Variants in MYOCOS observed in about 807,000 individuals in gnomAD.
The protein encoded by MYOCOS is myocilin opposite strand, also known as myocilin opposite strand protein.
chr1:171,613,964 C>A (rs1652403085), intron 1 of MYOCOS, among the ~76,000 whole-genome samples: 1 of 152,166 alleles, frequency 6.6e-6, no homozygotes, highest in South Asian at 2.1e-4. Flanking sequence ...AGTCTTTCAT[C>A]TTCTTTCTCA....
chr1:171,620,112 T>C (rs1652531004), upstream of MYOCOS, among the ~76,000 whole-genome samples: 2 of 148,494 alleles, frequency 1.3e-5, no homozygotes, highest in African/African-American at 4.9e-5. Context: ...TATATATATA[T>C]ATATCTCCTA....
upstream of MYOCOS, among the ~76,000 whole-genome samples, chr1:171,621,715 G>T (rs970158169): frequency 6.6e-6 from 1 of 151,954 alleles, no homozygotes; most frequent in African/African-American, 2.4e-5. Context: ...ATAGACTGCC[G>T]CCTTGAATTC....
At position 171,605,394 on chromosome 1, in the gene MYOCOS, C is replaced by CACACACACACAA. The variant is rs376886204; in HGVS notation, c.-252+4315_-252+4316insCACACACACAAA. On this transcript the variant is annotated intron_variant, in intron 1 of 3. Coordinates refer to the MYOCOS transcript ENST00000636697. Reference sequence around the variant, plus strand: ...AGTACCACACACACACACACACACACAAAAAAAAAAAAACAGTTACATGAT... The same window carrying CACACACACACAA: ...AGTACCACACACACACACACACACACACACACACACAAAAAAAAAAAAAAACAGTTACATGAT... Among the ~76,000 whole-genome samples, 4 of 127,560 alleles carry CACACACACACAA rather than the reference C, an allele frequency of 3.1e-5. No individual in the cohort carries two copies. In the East Asian group the frequency reaches 6.1e-4, roughly 20 times the overall value. The allele number at this position is 127,560 out of a possible 152,430, so 83.7% of individuals were successfully genotyped here. A position where few individuals can be genotyped will look rare whatever the true frequency, so the allele number is the denominator to read the frequency against.
Position 171,605,252 on chromosome 1 carries a change from A to G in MYOCOS, c.-252+4172A>G, listed in dbSNP as rs191315606. On this transcript the variant is annotated intron_variant, in intron 1 of 3. Coordinates refer to the MYOCOS transcript ENST00000636697. Reference sequence around the variant, plus strand: ...TTCCCGGCCCAAAAGAATCACCCTGATCATTTCTAGGTTCTAAAAGTCTCA... The same window carrying G: ...TTCCCGGCCCAAAAGAATCACCCTGGTCATTTCTAGGTTCTAAAAGTCTCA... 6.0e-3 allele frequency among the ~76,000 whole-genome samples: 906 copies of G among 152,168 alleles called. 2 individuals carry two copies. The highest frequency in any genetic ancestry group is 9.6e-3 in the Non-Finnish European group (656 of 68,000).
intron 1 of MYOCOS, among the ~76,000 whole-genome samples, chr1:171,614,332 A>C (rs537255852): frequency 1.1e-3 from 162 of 152,326 alleles, no homozygotes; most frequent in African/African-American, 3.6e-3. Context: ...TCATTGAGGG[A>C]GTGCCCTCTG....
intron 2 of MYOCOS, among the ~76,000 whole-genome samples, chr1:171,624,614 G>T (rs542482029): frequency 0.011 from 1,687 of 151,946 alleles, 16 homozygotes; most frequent in African/African-American, 0.028. Context: ...TATTTTGTGT[G>T]TGTGTGTGTT....
At chr1:171,604,065 A>C (rs1381106899) in intron 1 of MYOCOS, 1 of 152,200 alleles carries the variant, frequency 6.6e-6, no homozygotes, top group Non-Finnish European at 1.5e-5. Flanking sequence ...CCAGTTAAAC[A>C]TAAACTGAGT....
intron 1 of MYOCOS, among the ~76,000 whole-genome samples, chr1:171,606,236 T>C (rs1331786713): frequency 6.6e-6 from 1 of 152,152 alleles, no homozygotes; most frequent in Non-Finnish European, 1.5e-5. Flanking sequence ...CCAAAATGCT[T>C]CAGCACAAGT....
intron 1 of MYOCOS, among the ~76,000 whole-genome samples, chr1:171,605,632 A>C (rs235893): frequency 0.23 from 35,080 of 152,032 alleles, 4,953 homozygotes; most frequent in African/African-American, 0.4. Context: ...CCCATAAATC[A>C]GGTGAACTTC....
chr1:171,613,089 A>G (rs1652383605), intron 1 of MYOCOS, among the ~76,000 whole-genome samples: 1 of 152,140 alleles, frequency 6.6e-6, no homozygotes, highest in Admixed American at 6.5e-5. Flanking sequence ...TGTATTCCAC[A>G]ATCTTCAAAA....
chr1:171,623,066 A>C (rs983889972), intron 1 of MYOCOS, among the ~76,000 whole-genome samples: 1 of 152,022 alleles, frequency 6.6e-6, no homozygotes, highest in African/African-American at 2.4e-5. Flanking sequence ...CCATCTCTAC[A>C]AAAAATACAA....
intron 1 of MYOCOS, among the ~76,000 whole-genome samples, chr1:171,606,679 G>C (rs1489694682): frequency 6.6e-6 from 1 of 152,210 alleles, no homozygotes; most frequent in Non-Finnish European, 1.5e-5. Flanking sequence ...AATCTTCAGA[G>C]TTGTAAGCCC....
rs55810822 is a variant in MYOCOS at position 171,603,959 on chromosome 1, A to G, written c.-252+2879A>G. ...ACCATTAGCTAATGAATGCTAGACT[A>G]ACTAGATACCAAAGCTTGCTCTGTG... On this transcript the variant is annotated intron_variant, in intron 1 of 3. Coordinates refer to the MYOCOS transcript ENST00000636697. Among the ~76,000 whole-genome samples the G allele has an allele frequency of 2.7e-3, 417 of 152,180 alleles. 1 individual carries two copies. The highest frequency in any genetic ancestry group is 9.7e-3 in the African/African-American group (402 of 41,444).
chr1:171,605,788 AC>A (rs1447288714), intron 1 of MYOCOS, among the ~76,000 whole-genome samples: 4 of 152,202 alleles, frequency 2.6e-5, no homozygotes, highest in African/African-American at 7.2e-5. Flanking sequence ...AGGATATCGA[AC>A]CCCCATCTAC....
chr1:171,619,452 A>G (rs1350209275), upstream of MYOCOS, among the ~76,000 whole-genome samples: 3 of 152,188 alleles, frequency 2.0e-5, no homozygotes, highest in Admixed American at 2.0e-4. Context: ...ACGTATCTGA[A>G]CTACAACAGA....
intron 1 of MYOCOS, among the ~76,000 whole-genome samples, chr1:171,605,799 C>T (rs1652233986): frequency 6.6e-6 from 1 of 152,156 alleles, no homozygotes; most frequent in Non-Finnish European, 1.5e-5. Context: ...CCCCCATCTA[C>T]ATGCTCAACC....
chr1:171,624,056 C>T, intron 2 of MYOCOS, 78 bp downstream of exon 2: 1 of 398,508 alleles, frequency 2.5e-6, no homozygotes, highest in Non-Finnish European at 4.4e-6. Flanking sequence ...GTGCCTGAAA[C>T]TGTAGCTGGC....
At chr1:171,616,848 A>G (rs896861447) in intron 2 of MYOCOS, among the ~76,000 whole-genome samples, 2 of 152,226 alleles carry the variant, frequency 1.3e-5, no homozygotes, top group Non-Finnish European at 2.9e-5. Context: ...GCACAGGCAT[A>G]TAACTCCACT....
intron 1 of MYOCOS, among the ~76,000 whole-genome samples, chr1:171,609,923 G>A (rs980269771): frequency 5.3e-5 from 8 of 152,164 alleles, no homozygotes; most frequent in Non-Finnish European, 7.3e-5. Context: ...GACTGCAGTC[G>A]CATTGTAAGG....
Sources: allele counts gnomAD v4.1 joint callset (sites outside exome capture counted in the v4.1 genomes callset), GRCh38; gene constraint gnomAD v4.1.1; transcripts MANE v1.5; gene names NCBI Gene and HGNC (gene_info 2026-07-23, HGNC 2026-07-21).